Variants in TRIM16 observed in about 807,000 individuals in gnomAD.
TRIM16 encodes the protein tripartite motif-containing protein 16.
TRIM16 carries 33 observed loss-of-function variants against 50.4 expected under a neutral mutation model. That is an observed-to-expected ratio of 0.65 (90% CI 0.50 to 0.88). The LOEUF (loss-of-function observed/expected upper bound fraction) is 0.88. Ranked by LOEUF, TRIM16 falls within the 40% of genes least tolerant of loss-of-function variation. TRIM16 has a pLI of 0.00. For missense variants in TRIM16, 581 were observed against 686.8 expected (o/e 0.85, Z 1.72); for synonymous variants, 229 against 270.7 (o/e 0.85, Z 1.51).
At chr17:15,667,318 C>G (rs373898238) in intron 6 of TRIM16, among the ~76,000 whole-genome samples, 1 of 152,152 alleles carries the variant, frequency 6.6e-6, no homozygotes, top group Non-Finnish European at 1.5e-5. Flanking sequence ...AGTCATTGTA[C>G]TTTTCCACAC....
At chr17:15,674,327 G>A (rs1027923896) in intron 6 of TRIM16, among the ~76,000 whole-genome samples, 15 of 151,626 alleles carry the variant, frequency 9.9e-5, no homozygotes, top group African/African-American at 3.2e-4. Flanking sequence ...CTGAGATCAT[G>A]CCATTGCACT....
chr17:15,651,984 C>T, intron 6 of TRIM16, 38 bp from the exon 7 acceptor site: 2 of 1,132,456 alleles, frequency 1.8e-6, no homozygotes, highest in African/African-American at 3.3e-5. Flanking sequence ...CTGTTATAAG[C>T]CTGTGTGGCT....
chr17:15,675,948 T>C (rs1266575131), intron 6 of TRIM16, among the ~76,000 whole-genome samples: 1 of 151,768 alleles, frequency 6.6e-6, no homozygotes, highest in East Asian at 1.9e-4. Flanking sequence ...CTTTGGGTGA[T>C]ATTATCCACT....
chr17:15,651,979 A>G (rs1987731950), intron 6 of TRIM16, 33 bp from the exon 7 acceptor site: 1 of 1,149,822 alleles, frequency 8.7e-7, no homozygotes, highest in East Asian at 6.0e-5. Context: ...GAGCTCTGTT[A>G]TAAGCCTGTG....
chr17:15,641,762 A>T (rs1432946393), intron 8 of TRIM16, among the ~76,000 whole-genome samples: 1 of 148,116 alleles, frequency 6.8e-6, no homozygotes, highest in East Asian at 2.0e-4. Flanking sequence ...AGATGAATGG[A>T]TGGATGGATG....
At chr17:15,638,753 A>G (rs1986975057) in intron 8 of TRIM16, among the ~76,000 whole-genome samples, 1 of 147,888 alleles carries the variant, frequency 6.8e-6, no homozygotes, top group Non-Finnish European at 1.5e-5. Context: ...CAAAAAGGGG[A>G]GCACAGTAAG....
intron 6 of TRIM16, among the ~76,000 whole-genome samples, chr17:15,662,376 A>G (rs1246939654): frequency 1.3e-5 from 2 of 152,182 alleles, no homozygotes; most frequent in Non-Finnish European, 2.9e-5. Flanking sequence ...GAGTCCCTCC[A>G]GTTTTCTTGA....
intron 6 of TRIM16, among the ~76,000 whole-genome samples, chr17:15,660,625 G>A (rs1285556172): frequency 6.6e-6 from 1 of 152,130 alleles, no homozygotes; most frequent in Admixed American, 6.5e-5. Flanking sequence ...GGGGCCGGGC[G>A]CGGTGGCTCA....
chr17:15,664,373 G>A (rs1988382246), intron 6 of TRIM16, among the ~76,000 whole-genome samples: 2 of 152,178 alleles, frequency 1.3e-5, no homozygotes, highest in Admixed American at 6.5e-5. Context: ...CACAGAAGAC[G>A]GGGACAGTAA....
intron 3 of TRIM16, among the ~76,000 whole-genome samples, chr17:15,681,803 C>G (rs1258245968): frequency 2.0e-5 from 3 of 152,268 alleles, no homozygotes. Context: ...ATTATTTCTT[C>G]AATCCTCTCT....
chr17:15,628,598 G>A lies in TRIM16; in HGVS notation c.*17C>T. The A allele has an allele frequency of 1.9e-6, 3 of 1,576,222 alleles. No individual in the cohort carries two copies. The highest frequency in any genetic ancestry group is 2.6e-6 in the Non-Finnish European group (3 of 1,158,042). On this transcript the variant is annotated 3_prime_UTR_variant, in exon 12 of 12. Transcript: ENST00000649191. ...ATCACTGTAGCTGGCAAAGGTCTGGGATATGGCTCCTGGAGTCTAGGGAGC... is the reference window on the plus strand; with the variant it reads ...ATCACTGTAGCTGGCAAAGGTCTGGAATATGGCTCCTGGAGTCTAGGGAGC...
chr17:15,651,734 C>T lies in TRIM16; in HGVS notation c.-125G>A. On this transcript the variant is annotated 5_prime_UTR_variant, in exon 7 of 12. Coordinates refer to ENST00000649191, the MANE Select transcript of TRIM16 (RefSeq NM_001348119.1). Reference sequence around the variant, plus strand: ...TGCTGCAAGATTTTAACTGTTTCCTCCCTCCCAGAGGAAGCTCGGCCACTC... The same window carrying T: ...TGCTGCAAGATTTTAACTGTTTCCTTCCTCCCAGAGGAAGCTCGGCCACTC... 1.3e-6 allele frequency: 2 copies of T among 1,527,618 alleles called. No individual in the cohort carries two copies. The allele number at this position is 1,527,618 out of a possible 1,614,324, so 94.6% of individuals were successfully genotyped here.
intron 7 of TRIM16, among the ~76,000 whole-genome samples, chr17:15,644,909 G>A (rs1476622332): frequency 2.0e-5 from 3 of 151,824 alleles, no homozygotes; most frequent in Non-Finnish European, 2.9e-5. Context: ...TCCACCTCCC[G>A]GGTTCATGCG....
chr17:15,672,717 A>G (rs2151422103), intron 6 of TRIM16, among the ~76,000 whole-genome samples: 1 of 152,268 alleles, frequency 6.6e-6, no homozygotes, highest in South Asian at 2.1e-4. Context: ...CAGGCAATAG[A>G]GCAAAACCCT....
intron 6 of TRIM16, among the ~76,000 whole-genome samples, chr17:15,676,441 T>C (rs539483368): frequency 6.7e-6 from 1 of 150,254 alleles, no homozygotes; most frequent in Non-Finnish European, 1.5e-5. Context: ...CTTTTTTTTT[T>C]TTTTTTTTCT....
rs144824975 is a variant in TRIM16, at chr17:15,633,829, C to T, written c.850-1155G>A. Among the ~76,000 whole-genome samples, 145 of 151,152 alleles carry T rather than the reference C, an allele frequency of 9.6e-4. 1 individual carries two copies. The East Asian group carries it at 0.027, about 28-fold the overall frequency. ...TGCTGGGATTACAGGTGTGAGCCAC[C>T]GTGCCCGGCCAATAAATAAGTTATC... On this transcript the variant is annotated intron_variant, in intron 9 of 11. Coordinates refer to ENST00000649191, the MANE Select transcript of TRIM16 (RefSeq NM_001348119.1).
At chr17:15,675,173 A>T (rs146464989) in intron 6 of TRIM16, among the ~76,000 whole-genome samples, 148 of 152,312 alleles carry the variant, frequency 9.7e-4, no homozygotes, top group African/African-American at 3.3e-3. Flanking sequence ...CTATTAGGCT[A>T]GTCCAGATTT....
At chr17:15,630,707 C>G (rs1288118114) in intron 11 of TRIM16, among the ~76,000 whole-genome samples, 1 of 150,536 alleles carries the variant, frequency 6.6e-6, no homozygotes, top group East Asian at 2.0e-4. Context: ...GTGGTCCCAG[C>G]TACTCAGGAG....
In TRIM16 at chr17:15,651,925, AC is replaced by A; in HGVS notation, c.-317del. On this transcript the variant is annotated 5_prime_UTR_variant, in exon 7 of 12. It introduces an in-frame stop codon into an upstream open reading frame of the 5' UTR. Transcript: ENST00000649191. ...CTGAACCCCATAGGCTCTGCTGAAG[AC>A]CACGTGTCTCTGTGCCTGCTCTGGA... The A allele has an allele frequency of 4.4e-5, 56 of 1,285,316 alleles. No homozygotes were observed. The highest frequency in any genetic ancestry group is 5.4e-5 in the Non-Finnish European group (55 of 1,010,500). 79.6% of individuals were successfully genotyped at this position (1,285,316 alleles called of 1,614,324 possible). A position where few individuals can be genotyped will look rare whatever the true frequency, so the allele number is the denominator to read the frequency against.
Sources: gnomAD v4.1 joint callset for allele counts (sites outside exome capture counted in the v4.1 genomes callset) on GRCh38, gnomAD v4.1.1 for gene constraint, MANE v1.5 for transcripts, NCBI Gene and HGNC (gene_info 2026-07-23, HGNC 2026-07-21) for gene names.